Variants in AGMO observed in about 807,000 individuals in gnomAD.
AGMO encodes glyceryl-ether monooxygenase.
Under a neutral mutation model 60.2 loss-of-function variants are expected in AGMO, and 75 were observed. That is an observed-to-expected ratio of 1.25 (90% confidence interval 1.03 to 1.51). The LOEUF is 1.51. AGMO is among the 40% of genes most tolerant of loss of function. The pLI, the probability that AGMO is intolerant of heterozygous loss-of-function variation, is 0.00. For missense variants in AGMO, 763 were observed against 525.5 expected, an observed-to-expected ratio of 1.45 and a Z score of -4.42; for synonymous variants, 261 against 177.1, an observed-to-expected ratio of 1.47 and a Z score of -3.76.
At chr7:15,444,167 A>G (rs1012468641) in intron 3 of AGMO, among the ~76,000 whole-genome samples, 2 of 152,186 alleles carry the variant, frequency 1.3e-5, no homozygotes, top group Non-Finnish European at 2.9e-5. Flanking sequence ...TTAATTAAAC[A>G]TATGCTAATC....
At chr7:15,381,904 A>G (rs1210650647) in intron 10 of AGMO, among the ~76,000 whole-genome samples, 3 of 152,182 alleles carry the variant, frequency 2.0e-5, no homozygotes, top group Admixed American at 1.3e-4. Context: ...CATTATCCTT[A>G]GCAAACTAAC....
At chr7:15,126,990 G>C in the AGMO span, among the ~76,000 whole-genome samples, 2 of 151,988 alleles carry the variant, frequency 1.3e-5, no homozygotes, top group Admixed American at 1.3e-4. Context: ...TTGATCCCAG[G>C]TCTTCAGATA....
intron 2 of AGMO, among the ~76,000 whole-genome samples, chr7:15,559,386 T>C (rs1021542743): frequency 6.6e-6 from 1 of 152,118 alleles, no homozygotes; most frequent in Admixed American, 6.6e-5. Context: ...AGTGTAGGAA[T>C]GCAGGAATGC....
At chr7:15,138,782 C>G in the AGMO span, among the ~76,000 whole-genome samples, 4 of 151,998 alleles carry the variant, frequency 2.6e-5, no homozygotes, top group Admixed American at 2.0e-4. Flanking sequence ...GCCCATGGAG[C>G]CTTTACATAA....
At chr7:15,534,847 A>G (rs1018121360) in intron 3 of AGMO, among the ~76,000 whole-genome samples, 3 of 151,878 alleles carry the variant, frequency 2.0e-5, no homozygotes, top group African/African-American at 7.2e-5. Flanking sequence ...GGCAATTCTT[A>G]TAACTACCAA....
chr7:15,136,073 A>G, the AGMO span, among the ~76,000 whole-genome samples: 22 of 140,004 alleles, frequency 1.6e-4, no homozygotes, highest in South Asian at 2.2e-4. Flanking sequence ...AGTTTACTGC[A>G]ACCTCTGCCT....
At chr7:15,342,600 T>C (rs1415907211) in intron 12 of AGMO, among the ~76,000 whole-genome samples, 1 of 151,926 alleles carries the variant, frequency 6.6e-6, no homozygotes, top group African/African-American at 2.4e-5. Flanking sequence ...ATAAAAATGT[T>C]CAGAATGGAA....
intron 12 of AGMO, among the ~76,000 whole-genome samples, chr7:15,251,826 C>T (rs1159768380): frequency 1.3e-5 from 2 of 152,148 alleles, no homozygotes; most frequent in Non-Finnish European, 2.9e-5. Context: ...CTTCATGCCC[C>T]ACAGGAATTA....
At chr7:15,389,815 A>T (rs997798709) in intron 8 of AGMO, among the ~76,000 whole-genome samples, 5 of 152,218 alleles carry the variant, frequency 3.3e-5, no homozygotes, top group African/African-American at 7.2e-5. Flanking sequence ...TAATAGCTAC[A>T]TTAAATATTT....
At chr7:15,232,522 A>G (rs932361317) in intron 12 of AGMO, among the ~76,000 whole-genome samples, 1 of 152,196 alleles carries the variant, frequency 6.6e-6, no homozygotes. Context: ...TTTGATGGAC[A>G]AGAGGATTGG....
chr7:15,499,946 A>T (rs1198010909), intron 3 of AGMO, among the ~76,000 whole-genome samples: 1 of 128,362 alleles, frequency 7.8e-6, no homozygotes, highest in Admixed American at 8.2e-5. Flanking sequence ...TATATATATA[A>T]TATATATATT....
chr7:15,480,501 A>T (rs2128516917), intron 3 of AGMO, among the ~76,000 whole-genome samples: 1 of 152,282 alleles, frequency 6.6e-6, no homozygotes, highest in South Asian at 2.1e-4. Flanking sequence ...AGCACTTTCT[A>T]CAATTAAGTT....
intron 5 of AGMO, among the ~76,000 whole-genome samples, chr7:15,409,510 T>G (rs1455226982): frequency 1.3e-5 from 2 of 151,902 alleles, no homozygotes; most frequent in Non-Finnish European, 2.9e-5. Context: ...TCACAGAGTT[T>G]GATGAATATA....
At chr7:15,527,988 T>A (rs974265236) in intron 3 of AGMO, among the ~76,000 whole-genome samples, 1 of 152,178 alleles carries the variant, frequency 6.6e-6, no homozygotes. Flanking sequence ...TGGTCTCCCA[T>A]GAGCTCTGAT....
chr7:15,397,647 C>A (rs1784448062), intron 5 of AGMO, among the ~76,000 whole-genome samples: 1 of 152,034 alleles, frequency 6.6e-6, no homozygotes, highest in African/African-American at 2.4e-5. Context: ...TTTCTTTTTT[C>A]TAATCTGGGG....
At chr7:15,185,315 T>C in the AGMO span, among the ~76,000 whole-genome samples, 1 of 152,192 alleles carries the variant, frequency 6.6e-6, no homozygotes, top group Non-Finnish European at 1.5e-5. Flanking sequence ...CTAAGGTACT[T>C]GTTTTACTGG....
At chr7:15,134,555 T>A in the AGMO span, among the ~76,000 whole-genome samples, 20 of 151,964 alleles carry the variant, frequency 1.3e-4, no homozygotes, top group African/African-American at 3.9e-4. Flanking sequence ...CATGTGGAAT[T>A]TGGTTTTCTC....
intron 12 of AGMO, among the ~76,000 whole-genome samples, chr7:15,242,749 A>T (rs991917453): frequency 1.3e-5 from 2 of 152,190 alleles, no homozygotes; most frequent in African/African-American, 4.8e-5. Flanking sequence ...CTTCAGGGGA[A>T]AACACATGAT....
At chr7:15,270,369 T>G (rs950219828) in intron 12 of AGMO, among the ~76,000 whole-genome samples, 1 of 152,070 alleles carries the variant, frequency 6.6e-6, no homozygotes, top group East Asian at 1.9e-4. Context: ...ATTTCTCTGA[T>G]GATCTATGAT....
Sources: allele counts gnomAD v4.1 joint callset (sites outside exome capture counted in the v4.1 genomes callset), GRCh38; gene constraint gnomAD v4.1.1; transcripts MANE v1.5; gene names NCBI Gene and HGNC (gene_info 2026-07-23, HGNC 2026-07-21).